Variants in KCNH1 observed in about 807,000 individuals in gnomAD.
The protein encoded by KCNH1 is potassium voltage-gated channel subfamily H member 1.
KCNH1 carries 27 observed loss-of-function variants against 69.2 expected under a neutral mutation model. That is an observed-to-expected ratio of 0.39 (90% CI 0.29 to 0.54). The LOEUF (loss-of-function observed/expected upper bound fraction) is 0.54, where lower values mean the gene tolerates loss of function less well. Ranked by LOEUF, KCNH1 falls within the 20% of genes least tolerant of loss-of-function variation. KCNH1 has a pLI of 0.68. For missense variants in KCNH1, 798 were observed against 1,261.6 expected (o/e 0.63, Z 5.57); for synonymous variants, 456 against 487.7 (o/e 0.93, Z 0.86).
intron 10 of KCNH1, among the ~76,000 whole-genome samples, chr1:210,771,488 C>T (rs548058879): frequency 3.3e-5 from 5 of 152,312 alleles, no homozygotes; most frequent in South Asian, 2.1e-4. Context: ...AGAGAACCTG[C>T]GGATAACACC....
intron 6 of KCNH1, among the ~76,000 whole-genome samples, chr1:210,973,877 AT>A (rs879778004): frequency 6.6e-6 from 1 of 152,012 alleles, no homozygotes; most frequent in Admixed American, 6.6e-5. Flanking sequence ...GGCACATGGG[AT>A]TTTTTTCCTT....
intron 6 of KCNH1, among the ~76,000 whole-genome samples, chr1:210,943,790 G>A (rs775004235): frequency 9.9e-5 from 15 of 152,216 alleles, no homozygotes; most frequent in Non-Finnish European, 1.9e-4. Flanking sequence ...ATTAGATTTA[G>A]TCCCTGCTAT....
At chr1:210,886,887 T>C (rs1265585610) in intron 7 of KCNH1, among the ~76,000 whole-genome samples, 2 of 151,996 alleles carry the variant, frequency 1.3e-5, no homozygotes, top group East Asian at 3.9e-4. Flanking sequence ...ATAAGAAAAG[T>C]GGGACTATGT....
At chr1:211,126,687 C>CAAAAAAAAAAAAAA (rs71571980) in intron 1 of KCNH1, among the ~76,000 whole-genome samples, 1 of 64,938 alleles carries the variant, frequency 1.5e-5, no homozygotes, top group African/African-American at 5.3e-5. Context: ...TATAATATCT[C>CAAAAAAAAAAAAAA]AAAAAAAAAA....
chr1:210,900,810 A>T (rs1480254649), intron 7 of KCNH1, among the ~76,000 whole-genome samples: 2 of 152,122 alleles, frequency 1.3e-5, no homozygotes, highest in African/African-American at 4.8e-5. Flanking sequence ...TTAAATCCAG[A>T]TAGTGCTTTG....
intron 1 of KCNH1, among the ~76,000 whole-genome samples, chr1:211,129,175 A>C (rs1691833443): frequency 6.6e-6 from 1 of 151,386 alleles, no homozygotes; most frequent in South Asian, 2.1e-4. Flanking sequence ...ATAAAAAACA[A>C]GAAAAGTATG....
intron 6 of KCNH1, among the ~76,000 whole-genome samples, chr1:210,957,969 G>A (rs555183809): frequency 6.6e-6 from 1 of 152,242 alleles, no homozygotes; most frequent in East Asian, 1.9e-4. Context: ...ATGGTAGCTG[G>A]TTATCTTGCT....
intron 6 of KCNH1, among the ~76,000 whole-genome samples, chr1:210,934,160 G>A (rs1016263168): frequency 1.3e-5 from 2 of 152,170 alleles, no homozygotes; most frequent in African/African-American, 4.8e-5. Context: ...AAAAGTACAG[G>A]TAGCAAAAGC....
chr1:210,811,441 G>T (rs996897434), intron 7 of KCNH1, among the ~76,000 whole-genome samples: 1 of 152,086 alleles, frequency 6.6e-6, no homozygotes, highest in African/African-American at 2.4e-5. Context: ...TCACATTAGG[G>T]TTTAGCTTTA....
chr1:210,897,260 A>T (rs1398448351), intron 7 of KCNH1, among the ~76,000 whole-genome samples: 1 of 152,218 alleles, frequency 6.6e-6, no homozygotes, highest in African/African-American at 2.4e-5. Flanking sequence ...CAGAAAAGAG[A>T]AGTAGAAATC....
intron 7 of KCNH1, among the ~76,000 whole-genome samples, chr1:210,810,897 C>G (rs925245755): frequency 6.6e-6 from 1 of 152,138 alleles, no homozygotes; most frequent in Non-Finnish European, 1.5e-5. Context: ...TGATTAAAAG[C>G]TTTAAGTGAA....
intron 7 of KCNH1, among the ~76,000 whole-genome samples, chr1:210,821,069 TCATA>T (rs749162832): frequency 1.3e-5 from 2 of 152,234 alleles, no homozygotes; most frequent in African/African-American, 2.4e-5. Context: ...GTTTTTCAAA[TCATA>T]CTAATGGGTA....
intron 7 of KCNH1, among the ~76,000 whole-genome samples, chr1:210,819,394 G>C (rs957857358): frequency 3.9e-5 from 6 of 152,058 alleles, no homozygotes; most frequent in Admixed American, 3.3e-4. Flanking sequence ...AAGAGAGATG[G>C]CTTAGGAAGA....
chr1:210,824,302 T>A (rs1055414099), intron 7 of KCNH1, among the ~76,000 whole-genome samples: 1 of 151,156 alleles, frequency 6.6e-6, no homozygotes, highest in African/African-American at 2.4e-5. Flanking sequence ...GATGTAGACA[T>A]CTATGTAGAT....
intron 9 of KCNH1, among the ~76,000 whole-genome samples, chr1:210,776,613 C>A (rs1039110871): frequency 1.6e-4 from 25 of 152,212 alleles, no homozygotes; most frequent in Admixed American, 7.2e-4. Flanking sequence ...AGTCTGCAAA[C>A]CAGAAGGGGG....
chr1:211,086,100 G>A lies in KCNH1; in HGVS notation c.440-3202C>T, dbSNP rs181529075. 4.5e-4 allele frequency among the ~76,000 whole-genome samples: 69 copies of A among 152,250 alleles called. 1 individual carries two copies. The highest frequency in any genetic ancestry group is 1.2e-3 in the African/African-American group (49 of 41,548). ...CCCAAATAGACTCAGAGGCTCTATC[G>A]CAGGTGTTTCCTTGTGTCTAGCACC... On this transcript the variant is annotated intron_variant, in intron 4 of 10. Coordinates refer to ENST00000271751, the MANE Select transcript of KCNH1 (RefSeq NM_172362.3).
chr1:211,021,570 T>C (rs1365144628), intron 5 of KCNH1, among the ~76,000 whole-genome samples: 2 of 120,568 alleles, frequency 1.7e-5, no homozygotes, highest in East Asian at 4.1e-4. Context: ...TAGAGAAACA[T>C]AGACTACACA....
intron 6 of KCNH1, among the ~76,000 whole-genome samples, chr1:210,956,546 T>A (rs1367608236): frequency 6.6e-6 from 1 of 150,932 alleles, no homozygotes; most frequent in Non-Finnish European, 1.5e-5. Flanking sequence ...GTTTTTTTTT[T>A]TTTTTTTTGG....
intron 1 of KCNH1, among the ~76,000 whole-genome samples, chr1:211,126,993 G>A (rs1392297614): frequency 6.6e-6 from 1 of 152,110 alleles, no homozygotes; most frequent in East Asian, 1.9e-4. Context: ...TTTTGGGTGA[G>A]GTGTTTATAA....
Sources: gnomAD v4.1 joint callset for allele counts (sites outside exome capture counted in the v4.1 genomes callset) on GRCh38, gnomAD v4.1.1 for gene constraint, MANE v1.5 for transcripts, NCBI Gene and HGNC (gene_info 2026-07-23, HGNC 2026-07-21) for gene names.